The following STXBP5L variants were observed in gnomAD, a reference collection of about 807,000 sequenced individuals.
STXBP5L encodes syntaxin binding protein 5L.
Under a neutral mutation model 144.5 loss-of-function variants are expected in STXBP5L, and 65 were observed. The observed-to-expected ratio is 0.45, with a 90% CI of 0.37 to 0.55. The LOEUF is 0.55. Among genes scored for constraint, STXBP5L ranks in the 20% least tolerant of loss-of-function variants. The pLI is 0.00. For synonymous variants in STXBP5L, 505 were observed against 469.6 expected (o/e 1.08, Z -0.97); for missense variants, 1,298 against 1,405.5 (o/e 0.92, Z 1.22).
intron 3 of STXBP5L, among the ~76,000 whole-genome samples, chr3:120,977,289 C>G (rs1053772394): frequency 6.6e-6 from 1 of 152,178 alleles, no homozygotes; most frequent in African/African-American, 2.4e-5. Context: ...GATCCCTTTA[C>G]CATTATGTAA....
At chr3:121,142,017 A>G (rs1036406940) in intron 7 of STXBP5L, among the ~76,000 whole-genome samples, 1 of 152,142 alleles carries the variant, frequency 6.6e-6, no homozygotes, top group Non-Finnish European at 1.5e-5. Context: ...TGCTGTCTAC[A>G]GTAAACTCCC....
intron 3 of STXBP5L, among the ~76,000 whole-genome samples, chr3:120,992,381 G>C (rs919034933): frequency 6.6e-6 from 1 of 151,822 alleles, no homozygotes; most frequent in Non-Finnish European, 1.5e-5. Flanking sequence ...CTCTGCTATT[G>C]AACATTAGAC....
chr3:121,083,665 GAA>G (rs149565469), intron 5 of STXBP5L, among the ~76,000 whole-genome samples: 8 of 146,422 alleles, frequency 5.5e-5, no homozygotes, highest in Admixed American at 2.0e-4. Context: ...TCTGTCTCAA[GAA>G]AAAAAAAAAA....
At chr3:121,301,669 A>C (rs2051912893) in intron 19 of STXBP5L, among the ~76,000 whole-genome samples, 1 of 152,116 alleles carries the variant, frequency 6.6e-6, no homozygotes, top group South Asian at 2.1e-4. Flanking sequence ...TCAGGATGAT[A>C]TTGGCTGTGG....
intron 3 of STXBP5L, among the ~76,000 whole-genome samples, chr3:121,000,809 C>T (rs1431193625): frequency 6.6e-6 from 1 of 152,070 alleles, no homozygotes; most frequent in East Asian, 1.9e-4. Flanking sequence ...TCTTTGCTAC[C>T]TTTGAATGTT....
intron 23 of STXBP5L, 121 bp downstream of exon 23, chr3:121,407,724 A>G (rs2047026948): frequency 7.7e-7 from 1 of 1,304,852 alleles, no homozygotes; most frequent in African/African-American, 1.5e-5. Flanking sequence ...TTGTTTCATT[A>G]TGTTTCTGGA....
intron 19 of STXBP5L, among the ~76,000 whole-genome samples, chr3:121,304,200 A>G (rs1055266651): frequency 6.6e-6 from 1 of 152,190 alleles, no homozygotes; most frequent in African/African-American, 2.4e-5. Context: ...AATCCTACAT[A>G]CTTGCATAAA....
chr3:120,968,325 T>C (rs776243651), intron 3 of STXBP5L, among the ~76,000 whole-genome samples: 2 of 152,182 alleles, frequency 1.3e-5, no homozygotes, highest in Non-Finnish European at 2.9e-5. Flanking sequence ...TATCCTGTTA[T>C]TGTATTGACC....
intron 5 of STXBP5L, among the ~76,000 whole-genome samples, chr3:121,070,429 T>A (rs1214721311): frequency 6.6e-6 from 1 of 152,222 alleles, no homozygotes; most frequent in East Asian, 1.9e-4. Flanking sequence ...GTATTCCTTT[T>A]TAACTTGAGT....
intron 2 of STXBP5L, among the ~76,000 whole-genome samples, chr3:120,925,458 A>G (rs1399502396): frequency 1.3e-5 from 2 of 152,090 alleles, no homozygotes; most frequent in African/African-American, 2.4e-5. Flanking sequence ...AGTGTATTTC[A>G]TCTGATCTAC....
chr3:121,355,204 T>C (rs2045462175), intron 20 of STXBP5L, among the ~76,000 whole-genome samples: 1 of 152,224 alleles, frequency 6.6e-6, no homozygotes, highest in Admixed American at 6.5e-5. Flanking sequence ...TGTAGTGTTC[T>C]CTATATTTCC....
intron 3 of STXBP5L, among the ~76,000 whole-genome samples, chr3:120,959,556 A>G (rs1049835038): frequency 6.6e-6 from 1 of 152,238 alleles, no homozygotes; most frequent in South Asian, 2.1e-4. Flanking sequence ...AAACAGAGAT[A>G]TAGACCAATG....
intron 2 of STXBP5L, among the ~76,000 whole-genome samples, chr3:120,930,132 C>T (rs1709845952): frequency 6.8e-6 from 1 of 146,330 alleles, no homozygotes; most frequent in South Asian, 2.2e-4. Flanking sequence ...TTATCCTCTA[C>T]AATCCAGAGT....
At chr3:121,036,772 ATT>A (rs3863971) in intron 3 of STXBP5L, among the ~76,000 whole-genome samples, 7,012 of 122,078 alleles carry the variant, frequency 0.057, 204 homozygotes, top group South Asian at 0.15. Flanking sequence ...ACATTGATTG[ATT>A]TTTTTTTTTT....
Position 121,378,725 on chromosome 3 carries a change from A to G in STXBP5L, c.2186A>G (p.Asn729Ser), listed in dbSNP as rs1444995645. 1 of 1,613,420 alleles carries G rather than the reference A, an allele frequency of 6.2e-7. No homozygotes were observed. The highest frequency in any genetic ancestry group is 1.3e-5 in the African/African-American group (1 of 75,020). The change falls in exon 21 of 27, where the codon AAT (asparagine) becomes AGT (serine). Residue 729 changes from asparagine to serine, a missense_variant. Asn to Ser is a conservative substitution (Grantham distance 46, BLOSUM62 1). Transcript: ENST00000471454. ...CCTCCTCTTGGCACAGACCATGTAA[A>G]TGGACACTGCACAAGTCCAACTTCT... ...RCKSPTSDHVNGHCTSPTSQS... is the reference protein window; with the variant it reads ...RCKSPTSDHVSGHCTSPTSQS...
chr3:120,984,054 C>G (rs760152553), intron 3 of STXBP5L, among the ~76,000 whole-genome samples: 1 of 152,100 alleles, frequency 6.6e-6, no homozygotes, highest in African/African-American at 2.4e-5. Context: ...GTTCCTAGTT[C>G]ACCCCGGATG....
chr3:121,191,016 C>G (rs543200647), intron 9 of STXBP5L, among the ~76,000 whole-genome samples: 2 of 151,206 alleles, frequency 1.3e-5, no homozygotes, highest in Non-Finnish European at 2.9e-5. Context: ...ACTTCCTAGA[C>G]GGGATGACTG....
At chr3:121,313,633 G>T (rs2043651787) in intron 19 of STXBP5L, among the ~76,000 whole-genome samples, 2 of 85,066 alleles carry the variant, frequency 2.4e-5, no homozygotes, top group Non-Finnish European at 4.8e-5. Context: ...CCTCCCGGAC[G>T]GGGCGGCTGG....
At chr3:121,348,500 T>C (rs1003536638) in intron 20 of STXBP5L, among the ~76,000 whole-genome samples, 2 of 152,166 alleles carry the variant, frequency 1.3e-5, no homozygotes, top group African/African-American at 4.8e-5. Context: ...TCCCCTCTTT[T>C]TCTATTTATT....
Sources: gnomAD v4.1 joint callset for allele counts (sites outside exome capture counted in the v4.1 genomes callset) on GRCh38, gnomAD v4.1.1 for gene constraint, MANE v1.5 for transcripts, NCBI Gene and HGNC (gene_info 2026-07-23, HGNC 2026-07-21) for gene names.